NUDT18: variants seen among roughly 807,000 people sequenced by gnomAD.
NUDT18 encodes the protein nudix hydrolase 18.
Under a neutral mutation model 27.6 loss-of-function variants are expected in NUDT18, and 26 were observed. The observed-to-expected ratio is 0.94, with a 90% CI of 0.69 to 1.31. The LOEUF (loss-of-function observed/expected upper bound fraction) is 1.31. Among genes scored for constraint, NUDT18 ranks in the 50% most tolerant of loss-of-function variants. The pLI is 0.00. For missense variants in NUDT18, 450 were observed against 433.4 expected, an observed-to-expected ratio of 1.04 and a Z score of -0.34; for synonymous variants, 220 against 196.9, an observed-to-expected ratio of 1.12 and a Z score of -0.98.
Position 22,109,394 on chromosome 8 carries a change from G to GCGGAGCCCGCTCCCAGTCCCTA in NUDT18, c.-95_-94insTAGGGACTGGGAGCGGGCTCCG. 1.6e-6 allele frequency: 2 copies of GCGGAGCCCGCTCCCAGTCCCTA among 1,212,138 alleles called. No individual in the cohort carries two copies. Among genetic ancestry groups the GCGGAGCCCGCTCCCAGTCCCTA allele is most frequent in the Non-Finnish European group, 2.1e-6 (2 of 940,032 alleles). 75.1% of individuals were successfully genotyped at this position (1,212,138 alleles called of 1,614,324 possible). On this transcript the variant is annotated 5_prime_UTR_variant, in exon 1 of 3. Coordinates refer to ENST00000611621, the MANE Select transcript of NUDT18 (RefSeq NM_024815.4). ...GCTGCGGAGCCCGCTCCCAGTCCCT[G>GCGGAGCCCGCTCCCAGTCCCTA]CGGCAGCGGGCCGGGAGCTCACGAG...
Position 22,109,365 on chromosome 8 carries a change from G to A in NUDT18, c.-65C>T. 1 of 573,168 alleles carries A rather than the reference G, an allele frequency of 1.7e-6. No individual in the cohort carries two copies. The allele number at this position is 573,168 out of a possible 1,614,324, so 35.5% of individuals were successfully genotyped here. A position where few individuals can be genotyped will look rare whatever the true frequency, so the allele number is the denominator to read the frequency against. Reference sequence around the variant, plus strand: ...CGACTGAGCCGAGCCGCGGGCTAGAGTGCGCTGCGGAGCCCGCTCCCAGTC... The same window carrying A: ...CGACTGAGCCGAGCCGCGGGCTAGAATGCGCTGCGGAGCCCGCTCCCAGTC... On this transcript the variant is annotated 5_prime_UTR_variant, in exon 1 of 3. Transcript: ENST00000611621.
chr8:22,110,348 T>G (rs977850509), upstream of NUDT18, among the ~76,000 whole-genome samples: 1 of 152,204 alleles, frequency 6.6e-6, no homozygotes, highest in African/African-American at 2.4e-5. Context: ...TCACCCCACC[T>G]CAGCACTGGA....
upstream of NUDT18, chr8:22,109,423 G>T: frequency 5.0e-6 from 2 of 400,288 alleles, no homozygotes; most frequent in Non-Finnish European, 7.5e-6. Context: ...TCACGAGAAC[G>T]CGGAAGCGCA....
rs1432865119 is a variant in NUDT18, at chr8:22,106,981, C to A, written c.*319G>T. 1 of 301,100 alleles carries A rather than the reference C, an allele frequency of 3.3e-6. No homozygotes were observed. The highest frequency in any genetic ancestry group is 2.2e-5 in the African/African-American group (1 of 46,390). 18.7% of individuals were successfully genotyped at this position (301,100 alleles called of 1,614,324 possible). A position where few individuals can be genotyped will look rare whatever the true frequency, so the allele number is the denominator to read the frequency against. ...TGGAAGGATCAGAATGCAGGCCTTT[C>A]CCAAGGACGGCACAGAACGTGATGA... On this transcript the variant is annotated 3_prime_UTR_variant, in exon 3 of 3. Transcript: ENST00000611621.
chr8:22,109,274 C>T lies in NUDT18; in HGVS notation c.27G>A (p.Ala9=), dbSNP rs1826423903. Residue 9 remains alanine (A), a synonymous_variant, in exon 1 of 3, where the codon GCG becomes GCA. Transcript: ENST00000611621. ...CCTGGCCAGCCAGCACGGAAGCCAG[C>T]GCCCCCGCCAGGCCCTCCGAGGCCA... MASEGLAG[A]LASVLAGQGS... The T allele has an allele frequency of 7.9e-6, 11 of 1,394,328 alleles. No individual in the cohort carries two copies. Among genetic ancestry groups the T allele is most frequent in the Non-Finnish European group, 1.0e-5 (11 of 1,080,354 alleles). 86.4% of individuals were successfully genotyped at this position (1,394,328 alleles called of 1,614,324 possible).
In NUDT18 at chr8:22,106,989, C is replaced by T. The variant is rs1040857042; in HGVS notation, c.*311G>A. On this transcript the variant is annotated 3_prime_UTR_variant, in exon 3 of 3. Coordinates refer to ENST00000611621, the MANE Select transcript of NUDT18 (RefSeq NM_024815.4). ...TCAGAATGCAGGCCTTTCCCAAGGACGGCACAGAACGTGATGAGGAGATGC... is the reference window on the plus strand; with the variant it reads ...TCAGAATGCAGGCCTTTCCCAAGGATGGCACAGAACGTGATGAGGAGATGC... 5 of 319,952 alleles carry T rather than the reference C, an allele frequency of 1.6e-5. No individual in the cohort carries two copies. Among genetic ancestry groups the T allele is most frequent in the South Asian group, 5.0e-5 (1 of 19,912 alleles). The allele number at this position is 319,952 out of a possible 1,614,324, so 19.8% of individuals were successfully genotyped here.
intron 1 of NUDT18, among the ~76,000 whole-genome samples, chr8:22,108,797 G>A (rs1263615747): frequency 6.6e-6 from 1 of 152,224 alleles, no homozygotes; most frequent in Non-Finnish European, 1.5e-5. Context: ...GCCCCGTCTA[G>A]TTGTCATTAC....
Position 22,109,350 on chromosome 8 carries a change from G to A in NUDT18, c.-50C>T. ...CGGATCCTCGCAGACCGACTGAGCC[G>A]AGCCGCGGGCTAGAGTGCGCTGCGG... On this transcript the variant is annotated 5_prime_UTR_variant, in exon 1 of 3. Coordinates refer to ENST00000611621, the MANE Select transcript of NUDT18 (RefSeq NM_024815.4). The A allele has an allele frequency of 2.2e-6, 3 of 1,334,344 alleles. No homozygotes were observed. Among genetic ancestry groups the A allele is most frequent in the Admixed American group, 4.1e-5 (1 of 24,632 alleles). 82.7% of individuals were successfully genotyped at this position (1,334,344 alleles called of 1,614,324 possible). A position where few individuals can be genotyped will look rare whatever the true frequency, so the allele number is the denominator to read the frequency against.
At chr8:22,108,473 G>A in intron 1 of NUDT18, 127 bp from the exon 2 acceptor site, 4 of 752,648 alleles carry the variant, frequency 5.3e-6, no homozygotes, top group Non-Finnish European at 8.5e-6. Context: ...TAGCGCTCCA[G>A]GAGACCTGCC....
In NUDT18 at chr8:22,107,132, A is replaced by G; in HGVS notation, c.*168T>C. 1 of 607,298 alleles carries G rather than the reference A, an allele frequency of 1.6e-6. No individual in the cohort carries two copies. Among genetic ancestry groups the G allele is most frequent in the Non-Finnish European group, 2.9e-6 (1 of 344,530 alleles). 37.6% of individuals were successfully genotyped at this position (607,298 alleles called of 1,614,324 possible). ...GGTTAAAGGCACTGTCCCTTGTGCAATCTAGAGGAATGCTCCTCAAAGCAT... is the reference window on the plus strand; with the variant it reads ...GGTTAAAGGCACTGTCCCTTGTGCAGTCTAGAGGAATGCTCCTCAAAGCAT... On this transcript the variant is annotated 3_prime_UTR_variant, in exon 3 of 3. Transcript: ENST00000611621.
chr8:22,107,895 CCTGGGGGAGAT>C lies in NUDT18; in HGVS notation c.377-11_377-1del. ...CTCCTTGGAAGTCTTGAGAATTCCA[CCTGGGGGAGAT>C]GTGGGGGATGGGGCAGGGAGGGTCT... On this transcript the variant is annotated splice_acceptor_variant and splice_polypyrimidine_tract_variant and intron_variant, in intron 2 of 2. Coordinates refer to ENST00000611621, the MANE Select transcript of NUDT18 (RefSeq NM_024815.4). LOFTEE classifies it high-confidence loss of function. 1 of 1,569,452 alleles carries C rather than the reference CCTGGGGGAGAT, an allele frequency of 6.4e-7. No individual in the cohort carries two copies. Among genetic ancestry groups the C allele is most frequent in the Non-Finnish European group, 8.7e-7 (1 of 1,154,856 alleles).
rs759731223 is a variant in NUDT18, at chr8:22,107,451, A to T, written c.821T>A (p.Val274Glu). 1 of 1,613,334 alleles carries T rather than the reference A, an allele frequency of 6.2e-7. No homozygotes were observed. Among genetic ancestry groups the T allele is most frequent in the Non-Finnish European group, 8.5e-7 (1 of 1,179,866 alleles). The change falls in exon 3 of 3, where the codon GTG becomes GAG. Residue 274 changes from valine (V) to glutamate (E), a missense_variant. Coordinates refer to ENST00000611621, the MANE Select transcript of NUDT18 (RefSeq NM_024815.4). ...CCCTGGGCTCCGAAAAGCCACGGTCACCAGCACATTCAAACAGATGCCATC... is the reference window on the plus strand; with the variant it reads ...CCCTGGGCTCCGAAAAGCCACGGTCTCCAGCACATTCAAACAGATGCCATC... ...HSDGICLNVL[V>E]TVAFRSPGIQ...
At chr8:22,109,547 C>A (rs1428223189), upstream of NUDT18, 1 of 468,300 alleles carries the variant, frequency 2.1e-6, no homozygotes, top group Non-Finnish European at 3.9e-6. Context: ...CGCCCGGGGC[C>A]GCCCTGGAAC....
At chr8:22,109,439 A>G (rs1238508737), upstream of NUDT18, 6 of 612,676 alleles carry the variant, frequency 9.8e-6, no homozygotes, top group Admixed American at 8.6e-5. Flanking sequence ...GCGCACGCGA[A>G]CGCGGAAGCG....
chr8:22,107,027 AG>A lies in NUDT18; in HGVS notation c.*272del. The A allele has an allele frequency of 2.4e-6, 1 of 422,560 alleles. No homozygotes were observed. Among genetic ancestry groups the A allele is most frequent in the East Asian group, 4.2e-5 (1 of 23,864 alleles). 26.2% of individuals were successfully genotyped at this position (422,560 alleles called of 1,614,324 possible). On this transcript the variant is annotated 3_prime_UTR_variant, in exon 3 of 3. Transcript: ENST00000611621. The stretch of plus-strand genomic sequence containing the variant: ...GATGAGGAGATGCCACTGGGGGTGC[AG>A]AAAGCTCCCCATCCCCCTGGGAAGA...
At chr8:22,109,608 C>T (rs749333588), upstream of NUDT18, 14 of 498,080 alleles carry the variant, frequency 2.8e-5, no homozygotes, top group South Asian at 1.8e-4. Flanking sequence ...CTTCTGCCGC[C>T]TGTCAGTCCC....
At position 22,107,647 on chromosome 8, in the gene NUDT18, C is replaced by T; in HGVS notation, c.625G>A (p.Val209Met). Residue 209 changes from valine (V) to methionine (M), a missense_variant, in exon 3 of 3, where the codon GTG (valine) becomes ATG (methionine). Transcript: ENST00000611621. ...GTGACAGGCAAGTGAGGCATCCCCACTGTGCCCACTAACACCCACACTGTC... is the reference window on the plus strand; with the variant it reads ...GTGACAGGCAAGTGAGGCATCCCCATTGTGCCCACTAACACCCACACTGTC... ...AQTVWVLVGT[V>M]GMPHLPVTAC... 2.5e-6 allele frequency: 4 copies of T among 1,612,994 alleles called. No individual in the cohort carries two copies. The highest frequency in any genetic ancestry group is 1.3e-5 in the African/African-American group (1 of 75,028).
Position 22,109,378 on chromosome 8 carries a change from C to CCCGCTCCCAGTCCCTGCGGACA in NUDT18, c.-79_-78insTGTCCGCAGGGACTGGGAGCGG. On this transcript the variant is annotated 5_prime_UTR_variant, in exon 1 of 3. Transcript: ENST00000611621. ...CCGCGGGCTAGAGTGCGCTGCGGAGCCCGCTCCCAGTCCCTGCGGCAGCGG... is the reference window on the plus strand; with the variant it reads ...CCGCGGGCTAGAGTGCGCTGCGGAGCCCGCTCCCAGTCCCTGCGGACACCGCTCCCAGTCCCTGCGGCAGCGG... 2.5e-6 allele frequency: 3 copies of CCCGCTCCCAGTCCCTGCGGACA among 1,195,274 alleles called. No individual in the cohort carries two copies. Among genetic ancestry groups the CCCGCTCCCAGTCCCTGCGGACA allele is most frequent in the Non-Finnish European group, 3.2e-6 (3 of 931,084 alleles). 74.0% of individuals were successfully genotyped at this position (1,195,274 alleles called of 1,614,324 possible).
chr8:22,109,119 G>T lies in NUDT18; in HGVS notation c.162+20C>A. ...GCTGCGCGCTCCCGAGGCCCGGCGG[G>T]CCCGGGGGCGGCCGCTCACCTGCTC... On this transcript the variant is annotated intron_variant, in intron 1 of 2. Transcript: ENST00000611621. The T allele has an allele frequency of 7.1e-7, 1 of 1,402,186 alleles. No homozygotes were observed. Among genetic ancestry groups the T allele is most frequent in the South Asian group, 1.5e-5 (1 of 65,794 alleles). The allele number at this position is 1,402,186 out of a possible 1,614,324, so 86.9% of individuals were successfully genotyped here. A position where few individuals can be genotyped will look rare whatever the true frequency, so the allele number is the denominator to read the frequency against.
Sources: gnomAD v4.1 joint callset for allele counts (sites outside exome capture counted in the v4.1 genomes callset) on GRCh38, gnomAD v4.1.1 for gene constraint, MANE v1.5 for transcripts, NCBI Gene and HGNC (gene_info 2026-07-23, HGNC 2026-07-21) for gene names.